SERGEF: variants seen among roughly 807,000 people sequenced by gnomAD.
SERGEF encodes secretion regulating guanine nucleotide exchange factor.
A neutral mutation model predicts 50.0 loss-of-function variants in SERGEF; 51 were observed. That is an observed-to-expected ratio of 1.02 (90% CI 0.81 to 1.29). SERGEF has a LOEUF of 1.29. Among genes scored for constraint, SERGEF ranks in the 50% most tolerant of loss-of-function variants. The probability of loss-of-function intolerance (pLI) is 0.00; values close to 1 mark genes in which losing one functional copy is unlikely to be tolerated. For missense variants in SERGEF, 521 were observed against 557.0 expected (o/e 0.94, Z 0.65); for synonymous variants, 205 against 212.4 (o/e 0.97, Z 0.30).
chr11:17,840,127 T>C (rs1042280650), intron 10 of SERGEF, among the ~76,000 whole-genome samples: 4 of 152,190 alleles, frequency 2.6e-5, no homozygotes, highest in African/African-American at 9.7e-5. Context: ...CACCATCTGC[T>C]CCAGTTATAA....
chr11:17,830,588 G>C (rs1270933932), intron 10 of SERGEF, among the ~76,000 whole-genome samples: 1 of 136,382 alleles, frequency 7.3e-6, no homozygotes, highest in East Asian at 2.4e-4. Flanking sequence ...GAGATGGGGA[G>C]AGGGAGAGAG....
intron 9 of SERGEF, among the ~76,000 whole-genome samples, chr11:17,936,866 TC>T (rs1428276016): frequency 1.3e-5 from 2 of 152,190 alleles, no homozygotes; most frequent in Non-Finnish European, 1.5e-5. Context: ...ATTCTTGCCA[TC>T]CTAAATATGT....
At chr11:17,976,586 C>A (rs1356528189) in intron 8 of SERGEF, among the ~76,000 whole-genome samples, 1 of 151,736 alleles carries the variant, frequency 6.6e-6, no homozygotes, top group Admixed American at 6.6e-5. Flanking sequence ...ATGAGTGAGC[C>A]ACCGTGCCTG....
At chr11:17,797,509 T>G (rs1480604491) in intron 10 of SERGEF, among the ~76,000 whole-genome samples, 1 of 152,190 alleles carries the variant, frequency 6.6e-6, no homozygotes, top group Non-Finnish European at 1.5e-5. Flanking sequence ...CCTGACAACT[T>G]TATATGAAAT....
chr11:17,943,966 T>A (rs1852607254), intron 9 of SERGEF, among the ~76,000 whole-genome samples: 1 of 152,176 alleles, frequency 6.6e-6, no homozygotes. Context: ...CTGGCTCTGT[T>A]GCCCAGGCTA....
At chr11:18,010,169 TACA>T (rs1854167025) in intron 1 of SERGEF, 1 of 922,984 alleles carries the variant, frequency 1.1e-6, no homozygotes, top group African/African-American at 1.7e-5. Context: ...GTAAAATAAT[TACA>T]ACAAATACAT....
chr11:17,934,141 G>C (rs1190484922), intron 9 of SERGEF, among the ~76,000 whole-genome samples: 1 of 152,004 alleles, frequency 6.6e-6, no homozygotes, highest in Non-Finnish European at 1.5e-5. Flanking sequence ...GTATTGTCCA[G>C]GTATAGATAT....
chr11:17,881,519 T>C (rs2133901189), intron 9 of SERGEF, among the ~76,000 whole-genome samples: 1 of 152,328 alleles, frequency 6.6e-6, no homozygotes, highest in African/African-American at 2.4e-5. Flanking sequence ...CAATGACCAT[T>C]TGCTTCATAA....
At chr11:17,801,797 G>A (rs990122545) in intron 10 of SERGEF, among the ~76,000 whole-genome samples, 2 of 152,070 alleles carry the variant, frequency 1.3e-5, no homozygotes, top group African/African-American at 2.4e-5. Context: ...GGTGAGCAGC[G>A]GGCAGCTCAA....
intron 8 of SERGEF, among the ~76,000 whole-genome samples, chr11:17,976,342 G>A: frequency 6.6e-6 from 1 of 152,046 alleles, no homozygotes; most frequent in East Asian, 1.9e-4. Flanking sequence ...CTAGAGTGCA[G>A]TGGTGTGATC....
intron 10 of SERGEF, among the ~76,000 whole-genome samples, chr11:17,851,931 T>A (rs1008765159): frequency 6.6e-6 from 1 of 152,204 alleles, no homozygotes; most frequent in Non-Finnish European, 1.5e-5. Flanking sequence ...TTAGGCTGGA[T>A]TGAACTAAAA....
At chr11:17,945,418 T>C (rs970206008) in intron 9 of SERGEF, among the ~76,000 whole-genome samples, 1 of 152,246 alleles carries the variant, frequency 6.6e-6, no homozygotes, top group African/African-American at 2.4e-5. Flanking sequence ...ACTAGCCACA[T>C]GTGGCTACTG....
At chr11:17,803,269 G>C (rs569360348) in intron 10 of SERGEF, among the ~76,000 whole-genome samples, 1 of 152,360 alleles carries the variant, frequency 6.6e-6, no homozygotes, top group African/African-American at 2.4e-5. Context: ...TCCAACTCTA[G>C]GATCAACCCT....
intron 10 of SERGEF, among the ~76,000 whole-genome samples, chr11:17,845,483 C>T (rs1400764482): frequency 6.6e-6 from 1 of 152,176 alleles, no homozygotes; most frequent in Non-Finnish European, 1.5e-5. Context: ...AATGGGGTGT[C>T]TCAAGACTTG....
chr11:17,851,531 A>G (rs1457970774), intron 10 of SERGEF, among the ~76,000 whole-genome samples: 5 of 152,108 alleles, frequency 3.3e-5, no homozygotes, highest in Non-Finnish European at 7.3e-5. Context: ...CTGTGTGGGG[A>G]TATGTGCATT....
At chr11:17,895,553 CCTT>C (rs1188201134) in intron 9 of SERGEF, among the ~76,000 whole-genome samples, 1 of 152,092 alleles carries the variant, frequency 6.6e-6, no homozygotes, top group Admixed American at 6.5e-5. Flanking sequence ...ATCACAGTGA[CCTT>C]CTTGATCTAC....
At chr11:17,802,843 G>A (rs923691195) in intron 10 of SERGEF, among the ~76,000 whole-genome samples, 1 of 151,916 alleles carries the variant, frequency 6.6e-6, no homozygotes, top group African/African-American at 2.4e-5. Flanking sequence ...TCTTTATACT[G>A]CTTAATTTTC....
chr11:17,821,675 C>T (rs1850087395), intron 10 of SERGEF, among the ~76,000 whole-genome samples: 1 of 152,342 alleles, frequency 6.6e-6, no homozygotes, highest in African/African-American at 2.4e-5. Context: ...ATCACCTCTT[C>T]TCTGCATGCC....
intron 9 of SERGEF, 79 bp from the exon 10 acceptor site, chr11:17,878,323 G>T: frequency 8.6e-7 from 1 of 1,160,342 alleles, no homozygotes; most frequent in South Asian, 1.4e-5. Context: ...CTTTTCTAAT[G>T]ACACTAACAT....
Sources: gnomAD v4.1 joint callset for allele counts (sites outside exome capture counted in the v4.1 genomes callset) on GRCh38, gnomAD v4.1.1 for gene constraint, MANE v1.5 for transcripts, NCBI Gene and HGNC (gene_info 2026-07-23, HGNC 2026-07-21) for gene names.